ABCA8: variants seen among roughly 807,000 people sequenced by gnomAD.
The protein encoded by ABCA8 is ABC-type organic anion transporter ABCA8.
ABCA8 carries 177 observed loss-of-function variants against 192.3 expected under a neutral mutation model. The ratio of observed to expected loss-of-function variants is 0.92; its 90% CI spans 0.81 to 1.04. The LOEUF (loss-of-function observed/expected upper bound fraction) is 1.04, where lower values mean the gene tolerates loss of function less well. Among genes scored for constraint, ABCA8 ranks in the 50% least tolerant of loss-of-function variants. ABCA8 has a pLI of 0.00. For missense variants in ABCA8, 1,915 were observed against 1,904.8 expected (o/e 1.01, Z -0.10); for synonymous variants, 642 against 690.2 (o/e 0.93, Z 1.09).
At chr17:68,944,393 G>T (rs2068338176) in intron 2 of ABCA8, 1 of 126,268 alleles carries the variant, frequency 7.9e-6, no homozygotes, top group African/African-American at 3.0e-5. Flanking sequence ...CAAGAGACCT[G>T]AAAGACCCCC....
At chr17:68,927,570 C>T (rs7212686) in intron 10 of ABCA8, among the ~76,000 whole-genome samples, 92,387 of 151,756 alleles carry the variant, frequency 0.61, 28,630 homozygotes, top group African/African-American at 0.71. Context: ...TCAGAACCAT[C>T]GAGCTAAACA....
chr17:68,873,652 A>G (rs1197513655), intron 37 of ABCA8, among the ~76,000 whole-genome samples: 2 of 152,052 alleles, frequency 1.3e-5, no homozygotes, highest in Non-Finnish European at 2.9e-5. Context: ...CTTTCCTCCT[A>G]TGTTTTCTTC....
In ABCA8 at chr17:68,949,367, C is replaced by T. The variant is rs556557401; in HGVS notation, c.-61G>A. 1 of 152,246 alleles carries T rather than the reference C, an allele frequency of 6.6e-6. No individual in the cohort carries two copies. The highest frequency in any genetic ancestry group is 1.9e-4 in the East Asian group (1 of 5,190). 9.4% of individuals were successfully genotyped at this position (152,246 alleles called of 1,614,324 possible). A position where few individuals can be genotyped will look rare whatever the true frequency, so the allele number is the denominator to read the frequency against. ...TCACAGCTGAATTCTACCAGTGGTA[C>T]AAGAGGAGCTGGTAGCATTCCTTCT... On this transcript the variant is annotated 5_prime_UTR_variant, in exon 2 of 40. Transcript: ENST00000586539.
chr17:68,948,229 T>C (rs1369176904), intron 2 of ABCA8, among the ~76,000 whole-genome samples: 1 of 152,288 alleles, frequency 6.6e-6, no homozygotes, highest in Admixed American at 6.5e-5. Context: ...GTCTTTATAG[T>C]AGAATGATTT....
chr17:68,914,996 A>G (rs569030980), intron 17 of ABCA8, among the ~76,000 whole-genome samples: 1 of 152,278 alleles, frequency 6.6e-6, no homozygotes, highest in Non-Finnish European at 1.5e-5. Flanking sequence ...ATACATCTAC[A>G]GTAAACTCAT....
At chr17:68,889,528 C>T (rs917581360) in intron 24 of ABCA8, among the ~76,000 whole-genome samples, 1 of 152,082 alleles carries the variant, frequency 6.6e-6, no homozygotes, top group African/African-American at 2.4e-5. Flanking sequence ...TTTATTTCAA[C>T]AATCTCTTTT....
intron 7 of ABCA8, among the ~76,000 whole-genome samples, chr17:68,930,510 A>T (rs1023559930): frequency 3.3e-5 from 5 of 152,222 alleles, no homozygotes; most frequent in African/African-American, 4.8e-5. Flanking sequence ...TAATAATTTT[A>T]AAAAACAAAA....
intron 11 of ABCA8, 65 bp from the exon 12 acceptor site, chr17:68,922,365 G>T: frequency 2.8e-6 from 3 of 1,084,798 alleles, no homozygotes; most frequent in African/African-American, 1.6e-5. Flanking sequence ...CAGTTTGGTA[G>T]ACAGGATTGG....
At chr17:68,920,458 G>A (rs1476942630) in intron 13 of ABCA8, among the ~76,000 whole-genome samples, 1 of 150,508 alleles carries the variant, frequency 6.6e-6, no homozygotes, top group Non-Finnish European at 1.5e-5. Context: ...AAAAAAAAGA[G>A]TTGACAGATA....
chr17:68,897,839 C>A (rs2066805423), intron 21 of ABCA8, among the ~76,000 whole-genome samples: 1 of 151,882 alleles, frequency 6.6e-6, no homozygotes, highest in Non-Finnish European at 1.5e-5. Context: ...AAAAACAGAA[C>A]CTCAGAAAAA....
At position 68,936,828 on chromosome 17, in the gene ABCA8, A is replaced by G. The variant is rs114713326; in HGVS notation, c.466+123T>C. ...TGAATTTTTTTTTAAATGTTGAGGG[A>G]CATGCATACATCATTATGACAGATA... is the stretch of plus-strand genomic sequence containing the variant. On this transcript the variant is annotated intron_variant, in intron 5 of 39. Transcript: ENST00000586539. The G allele has an allele frequency of 1.2e-3, 986 of 793,532 alleles. 9 individuals carry two copies. In the African/African-American group the frequency reaches 0.016, roughly 13 times the overall value. The allele number at this position is 793,532 out of a possible 1,614,324, so 49.2% of individuals were successfully genotyped here. A position where few individuals can be genotyped will look rare whatever the true frequency, so the allele number is the denominator to read the frequency against.
Position 68,875,301 on chromosome 17 carries a change from T to G in ABCA8, c.4590A>C (p.Ala1530=), listed in dbSNP as rs761503814. 1 of 1,614,006 alleles carries G rather than the reference T, an allele frequency of 6.2e-7. No individual in the cohort carries two copies. Among genetic ancestry groups the G allele is most frequent in the Non-Finnish European group, 8.5e-7 (1 of 1,180,034 alleles). The part of the protein sequence containing the change: ...KNLAQVEPLH[A]EILRLFPQAA... ...CCTGGGGGAAAAGCCTCAGGATCTCTGCATGGAGGGGCTCCACTTGTGCCA... is the reference window on the plus strand; with the variant it reads ...CCTGGGGGAAAAGCCTCAGGATCTCGGCATGGAGGGGCTCCACTTGTGCCA... Residue 1530 remains alanine, a synonymous_variant, in exon 37 of 40, where the codon GCA becomes GCC. Coordinates refer to ENST00000586539, the MANE Select transcript of ABCA8 (RefSeq NM_001288985.2).
At chr17:68,916,507 C>A (rs2067368529) in intron 17 of ABCA8, among the ~76,000 whole-genome samples, 2 of 152,176 alleles carry the variant, frequency 1.3e-5, no homozygotes, top group African/African-American at 4.8e-5. Context: ...AATCTATACA[C>A]CTACTATATA....
Position 68,893,580 on chromosome 17 carries a change from G to A in ABCA8, c.3036+593C>T, listed in dbSNP as rs912546897. Among the ~76,000 whole-genome samples, 4 of 149,394 alleles carry A rather than the reference G, an allele frequency of 2.7e-5. No homozygotes were observed. The South Asian group carries it at 8.4e-4, about 31-fold the overall frequency. On this transcript the variant is annotated intron_variant, in intron 23 of 39. Coordinates refer to ENST00000586539, the MANE Select transcript of ABCA8 (RefSeq NM_001288985.2). ...CCTTCCTTCATTTGTTCCTTCCTTT[G>A]TTCTTTCCTTCCTTCATTCATTCGT...
chr17:68,893,079 CAT>C (rs554108154), intron 23 of ABCA8, among the ~76,000 whole-genome samples: 2 of 152,002 alleles, frequency 1.3e-5, no homozygotes, highest in Non-Finnish European at 2.9e-5. Flanking sequence ...GATTATTGGC[CAT>C]ATATATTATC....
chr17:68,894,355 T>C, intron 22 of ABCA8, 45 bp from the exon 23 acceptor site: 4 of 1,528,562 alleles, frequency 2.6e-6, no homozygotes, highest in Non-Finnish European at 3.5e-6. Context: ...TATCTTCATT[T>C]TGTTCTCTAA....
At chr17:68,945,333 AT>A (rs4148015) in intron 2 of ABCA8, among the ~76,000 whole-genome samples, 6 of 150,896 alleles carry the variant, frequency 4.0e-5, no homozygotes, top group South Asian at 2.1e-4. Flanking sequence ...TACTCAGTTG[AT>A]TTTTTTTTGT....
In ABCA8 at chr17:68,881,011, A is replaced by G. The variant is rs576036872; in HGVS notation, c.4038+109T>C. 3 of 766,576 alleles carry G rather than the reference A, an allele frequency of 3.9e-6. No homozygotes were observed. In the East Asian group the frequency reaches 7.8e-5, roughly 20 times the overall value. The allele number at this position is 766,576 out of a possible 1,614,324, so 47.5% of individuals were successfully genotyped here. On this transcript the variant is annotated intron_variant, in intron 32 of 39. Transcript: ENST00000586539. Reference sequence around the variant, plus strand: ...ATTTATTCTCTTGGGTAGTTCATTAATCACTTCAGTTATATAAGGATTAAG... The same window carrying G: ...ATTTATTCTCTTGGGTAGTTCATTAGTCACTTCAGTTATATAAGGATTAAG...
In ABCA8 at chr17:68,894,987, A is replaced by G; in HGVS notation, c.2791T>C (p.Ser931Pro). The G allele has an allele frequency of 6.2e-7, 1 of 1,613,176 alleles. No homozygotes were observed. The highest frequency in any genetic ancestry group is 8.5e-7 in the Non-Finnish European group (1 of 1,179,638). Reference protein sequence around the residue: ...TGASIDDFIQSVEHQNIALEV... With the variant: ...TGASIDDFIQPVEHQNIALEV... The stretch of plus-strand genomic sequence containing the variant: ...AAAGCTATGTTCTGGTGCTCCACAG[A>G]CTGTATAAAGTCATCAATGCTTGCC... The change falls in exon 22 of 40, where the codon TCT becomes CCT. Residue 931 changes from serine to proline, a missense_variant. Physicochemically the swap from Ser to Pro is moderately conservative, Grantham distance 74. Transcript: ENST00000586539.
Sources: gnomAD v4.1 joint callset for allele counts (sites outside exome capture counted in the v4.1 genomes callset) on GRCh38, gnomAD v4.1.1 for gene constraint, MANE v1.5 for transcripts, NCBI Gene and HGNC (gene_info 2026-07-23, HGNC 2026-07-21) for gene names.